OSBPL3: variants seen among roughly 807,000 people sequenced by gnomAD.
OSBPL3 encodes the protein oxysterol-binding protein-related protein 3.
Under a neutral mutation model 120.1 loss-of-function variants are expected in OSBPL3, and 65 were observed. That is an observed-to-expected ratio of 0.54 (90% CI 0.44 to 0.67). The LOEUF (loss-of-function observed/expected upper bound fraction) is 0.67, where lower values mean the gene tolerates loss of function less well. Among genes scored for constraint, OSBPL3 ranks in the 30% least tolerant of loss-of-function variants. The probability of loss-of-function intolerance (pLI) is 0.00; values close to 1 mark genes in which losing one functional copy is unlikely to be tolerated. For missense variants in OSBPL3, 1,004 were observed against 1,082.1 expected, an observed-to-expected ratio of 0.93 and a Z score of 1.01; for synonymous variants, 416 against 402.6, an observed-to-expected ratio of 1.03 and a Z score of -0.40.
chr7:24,900,441 C>T lies in OSBPL3; in HGVS notation c.-149-7820G>A, dbSNP rs1207450899. Among the ~76,000 whole-genome samples, 2 of 152,206 alleles carry T rather than the reference C, an allele frequency of 1.3e-5. No homozygotes were observed. The highest frequency in any genetic ancestry group is 6.5e-5 in the Admixed American group (1 of 15,282). ...AATTAGCTTCGTATATATCGTTTCA[C>T]TTGAAGTCACAGTTTCCAAGAACTT... is the stretch of plus-strand genomic sequence containing the variant. On this transcript the variant is annotated intron_variant, in intron 1 of 22. Coordinates refer to ENST00000313367, the MANE Select transcript of OSBPL3 (RefSeq NM_015550.4). This position sits in a 1 kb window ranked among gnomAD's most constrained non-coding sequence, Gnocchi z 4.5.
intron 2 of OSBPL3, among the ~76,000 whole-genome samples, chr7:24,888,549 C>T (rs1384442674): frequency 2.6e-5 from 4 of 152,042 alleles, no homozygotes; most frequent in Non-Finnish European, 5.9e-5. Flanking sequence ...CTCAGGAGCC[C>T]CAGTATTTAA....
At chr7:24,944,252 T>TTCTATTTTC (rs1247804156) in intron 1 of OSBPL3, among the ~76,000 whole-genome samples, 1 of 152,172 alleles carries the variant, frequency 6.6e-6, no homozygotes, top group African/African-American at 2.4e-5. Flanking sequence ...GAGCAAAGGC[T>TTCTATTTTC]TCTATTTTCT....
rs1798931116 is a variant in OSBPL3, at chr7:24,849,930, T to G, written c.1159-754A>C. Among the ~76,000 whole-genome samples the G allele has an allele frequency of 7.0e-6, 1 of 143,722 alleles. No homozygotes were observed. Among genetic ancestry groups the G allele is most frequent in the Non-Finnish European group, 1.5e-5 (1 of 66,092 alleles). The allele number at this position is 143,722 out of a possible 152,430, so 94.3% of individuals were successfully genotyped here. A position where few individuals can be genotyped will look rare whatever the true frequency, so the allele number is the denominator to read the frequency against. On this transcript the variant is annotated intron_variant, in intron 11 of 22. Transcript: ENST00000313367. This position sits in a 1 kb window ranked among gnomAD's most constrained non-coding sequence, Gnocchi z 5.4. ...GCTGAGATTGCGGCCTGGGTGAGAG[T>G]GAGACCCTGTCTCACGAAAAAAAAA... is the stretch of plus-strand genomic sequence containing the variant.
chr7:24,911,061 A>G (rs1808756959), intron 1 of OSBPL3, among the ~76,000 whole-genome samples: 1 of 152,260 alleles, frequency 6.6e-6, no homozygotes, highest in Admixed American at 6.5e-5. Context: ...ATAATCTTGC[A>G]TCCAGAAATG....
chr7:24,957,721 A>G (rs1815239696), intron 1 of OSBPL3, among the ~76,000 whole-genome samples: 1 of 152,158 alleles, frequency 6.6e-6, no homozygotes, highest in Admixed American at 6.5e-5. Flanking sequence ...CTGTGAGAAC[A>G]GCAACCAAAA....
At chr7:24,861,580 C>T (rs752885990) in intron 10 of OSBPL3, 33 bp downstream of exon 10, 1 of 1,476,952 alleles carries the variant, frequency 6.8e-7, no homozygotes, top group South Asian at 1.3e-5. Context: ...ACATTTTCAT[C>T]AAACACATTA....
intron 12 of OSBPL3, among the ~76,000 whole-genome samples, chr7:24,847,127 A>G (rs1294175955): frequency 1.3e-5 from 2 of 152,162 alleles, no homozygotes; most frequent in Non-Finnish European, 2.9e-5. Context: ...AGAGTTCTAA[A>G]AGGAGAGCAC....
chr7:24,926,101 T>C (rs1811010904), intron 1 of OSBPL3, among the ~76,000 whole-genome samples: 1 of 152,192 alleles, frequency 6.6e-6, no homozygotes, highest in African/African-American at 2.4e-5. Context: ...TCCTACTATT[T>C]CTTTGTGTCT....
intron 2 of OSBPL3, among the ~76,000 whole-genome samples, chr7:24,886,639 T>C (rs1213019106): frequency 6.6e-6 from 1 of 152,206 alleles, no homozygotes; most frequent in East Asian, 1.9e-4. Flanking sequence ...CTAGGTGCTA[T>C]GAGAAATAAA....
At chr7:24,882,849 G>C (rs992221780) in intron 2 of OSBPL3, among the ~76,000 whole-genome samples, 1 of 149,736 alleles carries the variant, frequency 6.7e-6, no homozygotes, top group Non-Finnish European at 1.5e-5. Context: ...TCATATACTT[G>C]TTGGCCACTT....
chr7:24,906,766 C>G (rs555111856), intron 1 of OSBPL3, among the ~76,000 whole-genome samples: 1 of 152,306 alleles, frequency 6.6e-6, no homozygotes, highest in African/African-American at 2.4e-5. Context: ...GTCTCCTTTT[C>G]TCTCCCAGTT....
In OSBPL3 at chr7:24,873,174, G is replaced by A. The variant is rs540049082; in HGVS notation, c.97-1105C>T. Among the ~76,000 whole-genome samples, 8 of 152,326 alleles carry A rather than the reference G, an allele frequency of 5.3e-5. No individual in the cohort carries two copies. The East Asian group carries it at 1.3e-3, about 26-fold the overall frequency. On this transcript the variant is annotated intron_variant, in intron 2 of 22. Transcript: ENST00000313367. The surrounding 1 kb of genome is among the most constrained non-coding windows in gnomAD (Gnocchi z 4.1). ...GAGTCAAATCTCCAGCCCACAGGCA[G>A]GTGGTACAGGCAGAAGCCAAGGGCA...
At chr7:24,837,170 G>C (rs957074010) in intron 14 of OSBPL3, among the ~76,000 whole-genome samples, 2 of 152,050 alleles carry the variant, frequency 1.3e-5, no homozygotes, top group African/African-American at 4.8e-5. Flanking sequence ...ATACAACATA[G>C]GTAAGTAGCT....
intron 6 of OSBPL3, 26 bp from the exon 7 acceptor site, chr7:24,865,491 T>A: frequency 6.2e-7 from 1 of 1,610,648 alleles, no homozygotes; most frequent in Non-Finnish European, 8.5e-7. Flanking sequence ...CAAAAGCACA[T>A]TGTAAATGGA....
At chr7:24,845,657 A>T (rs994950011) in intron 12 of OSBPL3, among the ~76,000 whole-genome samples, 7 of 90,668 alleles carry the variant, frequency 7.7e-5, no homozygotes, top group Non-Finnish European at 1.1e-4. Flanking sequence ...ACTTTTTCCT[A>T]AAAAAAAAAA....
At chr7:24,979,690 C>A (rs1818030136) in intron 1 of OSBPL3, among the ~76,000 whole-genome samples, 196 bp downstream of exon 1, 1 of 152,164 alleles carries the variant, frequency 6.6e-6, no homozygotes, top group Admixed American at 6.5e-5. Context: ...GGTCCTCCTT[C>A]CCCGGGAGCT....
At position 24,862,108 on chromosome 7, in the gene OSBPL3, G is replaced by A. The variant is rs1018399954; in HGVS notation, c.871-339C>T. On this transcript the variant is annotated intron_variant, in intron 9 of 22. Transcript: ENST00000313367. The surrounding 1 kb of genome is among the most constrained non-coding windows in gnomAD (Gnocchi z 4.4). ...TCACCGTGTTAGCCAGGATGGTCTC[G>A]ATCTCCTGACCTTGTGTTCTGCCCG... Among the ~76,000 whole-genome samples, 21 of 152,054 alleles carry A rather than the reference G, an allele frequency of 1.4e-4. No homozygotes were observed. The highest frequency in any genetic ancestry group is 4.3e-4 in the African/African-American group (18 of 41,392).
Position 24,936,084 on chromosome 7 carries a change from C to CT in OSBPL3, c.-149-43464dup, listed in dbSNP as rs371296947. Among the ~76,000 whole-genome samples, 32 of 140,640 alleles carry CT rather than the reference C, an allele frequency of 2.3e-4. No homozygotes were observed. In the East Asian group the frequency reaches 7.0e-3, roughly 31 times the overall value. The allele number at this position is 140,640 out of a possible 152,430, so 92.3% of individuals were successfully genotyped here. A position where few individuals can be genotyped will look rare whatever the true frequency, so the allele number is the denominator to read the frequency against. ...ACCATTTAATTCATTCTTAAGATTTCTTCTGGTTGAAAACTACCATCTTTT... is the reference window on the plus strand; with the variant it reads ...ACCATTTAATTCATTCTTAAGATTTCTTTCTGGTTGAAAACTACCATCTTTT... On this transcript the variant is annotated intron_variant, in intron 1 of 22. Transcript: ENST00000313367. This position sits in a 1 kb window ranked among gnomAD's most constrained non-coding sequence, Gnocchi z 4.2.
intron 1 of OSBPL3, among the ~76,000 whole-genome samples, chr7:24,926,748 C>T (rs1811104608): frequency 6.6e-6 from 1 of 152,206 alleles, no homozygotes; most frequent in Non-Finnish European, 1.5e-5. Flanking sequence ...TATATTACAA[C>T]ACTATTACAA....
Sources: gnomAD v4.1 joint callset for allele counts (sites outside exome capture counted in the v4.1 genomes callset) on GRCh38, gnomAD v4.1.1 for gene constraint, Gnocchi (gnomAD v3.1) non-coding constraint, MANE v1.5 for transcripts, NCBI Gene and HGNC (gene_info 2026-07-23, HGNC 2026-07-21) for gene names.